Variants in PCDHGB1 observed in about 807,000 individuals in gnomAD.
The protein encoded by PCDHGB1 is protocadherin gamma subfamily B, 1, also known as protocadherin gamma-B1.
PCDHGB1 carries 34 observed loss-of-function variants against 56.6 expected under a neutral mutation model. The ratio of observed to expected loss-of-function variants is 0.60; its 90% CI spans 0.46 to 0.80. The LOEUF is 0.80. PCDHGB1 is among the 30% of genes least tolerant of loss of function. The probability of loss-of-function intolerance (pLI) is 0.00; values close to 1 mark genes in which losing one functional copy is unlikely to be tolerated. For synonymous variants in PCDHGB1, 561 were observed against 505.9 expected (o/e 1.11, Z -1.46); for missense variants, 1,278 against 1,204.6 (o/e 1.06, Z -0.90).
chr5:141,423,210 C>A (rs954945082), intron 1 of PCDHGB1: 2 of 1,613,578 alleles, frequency 1.2e-6, no homozygotes, highest in East Asian at 4.5e-5. Flanking sequence ...CCGTCACGCT[C>A]ACCGTGGCTG....
Position 141,486,929 on chromosome 5 carries a change from G to A in PCDHGB1, c.2410-7878G>A. 2.5e-6 allele frequency: 4 copies of A among 1,614,226 alleles called. No individual in the cohort carries two copies. Among genetic ancestry groups the A allele is most frequent in the Non-Finnish European group, 2.5e-6 (3 of 1,180,038 alleles). ...CCAAGCACTGCCTCCATCAGTTGGT[G>A]CTGGCCACCTAATCACAAAGGTGAC... On this transcript the variant is annotated intron_variant, in intron 1 of 3. Transcript: ENST00000523390. This position sits in a 1 kb window ranked among gnomAD's most constrained non-coding sequence, Gnocchi z 5.0.
intron 1 of PCDHGB1, among the ~76,000 whole-genome samples, chr5:141,368,537 T>C (rs1023071907): frequency 6.6e-6 from 1 of 152,224 alleles, no homozygotes; most frequent in Non-Finnish European, 1.5e-5. Context: ...AACTTGCTTT[T>C]CCATTTTTTT....
chr5:141,425,934 G>A lies in PCDHGB1; in HGVS notation c.2410-68873G>A, dbSNP rs1237431530. Among the ~76,000 whole-genome samples, 4 of 152,352 alleles carry A rather than the reference G, an allele frequency of 2.6e-5. 1 individual carries two copies. Among genetic ancestry groups the A allele is most frequent in the East Asian group, 1.9e-4 (1 of 5,188 alleles). On this transcript the variant is annotated intron_variant, in intron 1 of 3. Coordinates refer to ENST00000523390, the MANE Select transcript of PCDHGB1 (RefSeq NM_018922.3). ...CAGTCACTACGAAAACTCATAAAAT[G>A]TCTAGTTTCCTATACATTAGTCCAA...
chr5:141,361,332 G>T lies in PCDHGB1; in HGVS notation c.2409+8663G>T, dbSNP rs544332613. 9 of 1,613,816 alleles carry T rather than the reference G, an allele frequency of 5.6e-6. No homozygotes were observed. The Admixed American group carries it at 8.3e-5, about 15-fold the overall frequency. ...AGTTTATTTTGAAATCTTCCTCAAAGAACTATTACAAACTAGTGACAGACG... is the reference window on the plus strand; with the variant it reads ...AGTTTATTTTGAAATCTTCCTCAAATAACTATTACAAACTAGTGACAGACG... On this transcript the variant is annotated intron_variant, in intron 1 of 3. Transcript: ENST00000523390.
chr5:141,433,883 G>A (rs1051019240), intron 1 of PCDHGB1, among the ~76,000 whole-genome samples: 1 of 149,932 alleles, frequency 6.7e-6, no homozygotes, highest in Non-Finnish European at 1.5e-5. Flanking sequence ...ATCCATTGAT[G>A]ACACTTGCTT....
intron 1 of PCDHGB1, chr5:141,423,007 G>A: frequency 6.2e-7 from 1 of 1,614,242 alleles, no homozygotes; most frequent in Non-Finnish European, 8.5e-7. Flanking sequence ...CAAGGTGGTT[G>A]CGGTGGACAA....
At chr5:141,392,322 A>G (rs2092513343) in intron 1 of PCDHGB1, 1 of 152,296 alleles carries the variant, frequency 6.6e-6, no homozygotes, top group South Asian at 2.1e-4. Flanking sequence ...TTAAGACCAA[A>G]TGTATTGCAG....
intron 1 of PCDHGB1, chr5:141,388,782 A>G (rs1589071559): frequency 6.2e-7 from 1 of 1,613,902 alleles, no homozygotes; most frequent in African/African-American, 1.3e-5. Flanking sequence ...CGGGGAAATT[A>G]CTGTTTTAAA....
At position 141,374,694 on chromosome 5, in the gene PCDHGB1, G is replaced by T. The variant is rs375847789; in HGVS notation, c.2409+22025G>T. The T allele has an allele frequency of 1.2e-6, 2 of 1,609,362 alleles. No individual in the cohort carries two copies. Among genetic ancestry groups the T allele is most frequent in the Non-Finnish European group, 1.7e-6 (2 of 1,177,726 alleles). On this transcript the variant is annotated intron_variant, in intron 1 of 3. Coordinates refer to ENST00000523390, the MANE Select transcript of PCDHGB1 (RefSeq NM_018922.3). ...CTGGAGGGCACACTGGACCGGGAAG[G>T]AGAAGCCGTTTACCGCCTGGTCCTT...
chr5:141,389,249 T>A, intron 1 of PCDHGB1: 1 of 1,614,064 alleles, frequency 6.2e-7, no homozygotes, highest in Non-Finnish European at 8.5e-7. Flanking sequence ...AGTCTTCCTA[T>A]ATAGTCCACG....
At chr5:141,372,809 G>C (rs1484993556) in intron 1 of PCDHGB1, 5 of 1,587,612 alleles carry the variant, frequency 3.1e-6, no homozygotes, top group Non-Finnish European at 4.3e-6. Context: ...ATTTGCAAAA[G>C]GTGAGTTTCT....
chr5:141,369,001 A>G (rs974961840), intron 1 of PCDHGB1, among the ~76,000 whole-genome samples: 2 of 152,152 alleles, frequency 1.3e-5, no homozygotes, highest in Non-Finnish European at 2.9e-5. Flanking sequence ...TCGGTGTGGA[A>G]CTCATTGCTT....
chr5:141,428,201 CT>C (rs1332694675), intron 1 of PCDHGB1: 1 of 1,349,696 alleles, frequency 7.4e-7, no homozygotes, highest in South Asian at 1.2e-5. Context: ...CTCTGCGCCG[CT>C]ACGCTTCACC....
At chr5:141,401,677 G>C (rs1017959276) in intron 1 of PCDHGB1, among the ~76,000 whole-genome samples, 2 of 152,184 alleles carry the variant, frequency 1.3e-5, no homozygotes, top group Non-Finnish European at 2.9e-5. Flanking sequence ...CATCCTTGTA[G>C]GATGGAAGGT....
chr5:141,423,753 G>A (rs758300730), intron 1 of PCDHGB1: 1 of 626,096 alleles, frequency 1.6e-6, no homozygotes, highest in Non-Finnish European at 2.0e-6. Context: ...AACTGTTTGG[G>A]GGGGGGGTGG....
At position 141,476,247 on chromosome 5, in the gene PCDHGB1, G is replaced by C. The variant is rs1439421662; in HGVS notation, c.2410-18560G>C. 1 of 1,614,042 alleles carries C rather than the reference G, an allele frequency of 6.2e-7. No individual in the cohort carries two copies. Among genetic ancestry groups the C allele is most frequent in the Non-Finnish European group, 8.5e-7 (1 of 1,180,010 alleles). ...GAGATCCCGGAGGAAAGAGAGAAGG[G>C]TTTCGCTGTGGGCAACGTGGTCGCG... On this transcript the variant is annotated intron_variant, in intron 1 of 3. Coordinates refer to ENST00000523390, the MANE Select transcript of PCDHGB1 (RefSeq NM_018922.3). The surrounding 1 kb of genome is among the most constrained non-coding windows in gnomAD (Gnocchi z 7.6).
intron 1 of PCDHGB1, chr5:141,360,695 A>G (rs772748568): frequency 3.1e-6 from 5 of 1,613,988 alleles, no homozygotes; most frequent in Non-Finnish European, 3.4e-6. Flanking sequence ...CAGACTCCAG[A>G]TGGTCGTAAA....
intron 1 of PCDHGB1, among the ~76,000 whole-genome samples, chr5:141,381,588 C>A (rs950260472): frequency 6.6e-6 from 1 of 152,192 alleles, no homozygotes; most frequent in African/African-American, 2.4e-5. Context: ...AATCCATTAT[C>A]CAGTTTCTTA....
At chr5:141,418,830 G>T (rs371820904) in intron 1 of PCDHGB1, 44 of 1,613,858 alleles carry the variant, frequency 2.7e-5, no homozygotes, top group Non-Finnish European at 3.6e-5. Flanking sequence ...GCAAAAGACC[G>T]AGGATCTCTC....
Sources: allele counts gnomAD v4.1 joint callset (sites outside exome capture counted in the v4.1 genomes callset), GRCh38; gene constraint gnomAD v4.1.1; non-coding constraint Gnocchi (gnomAD v3.1); transcripts MANE v1.5; gene names NCBI Gene and HGNC (gene_info 2026-07-23, HGNC 2026-07-21).